Variants in ATP2B2 observed in about 807,000 individuals in gnomAD.
ATP2B2 encodes the protein ATPase plasma membrane Ca2+ transporting 2.
In ATP2B2, 15 loss-of-function variants were observed where a neutral mutation model predicts 120.0. The observed-to-expected ratio is 0.12, with a 90% CI of 0.08 to 0.19. The LOEUF is 0.19. ATP2B2 is among the 10% of genes least tolerant of loss of function. The pLI is 1.00. For missense variants in ATP2B2, 1,045 were observed against 1,719.8 expected (o/e 0.61, Z 6.94); for synonymous variants, 694 against 700.3 (o/e 0.99, Z 0.14).
In ATP2B2 at chr3:10,435,485, C is replaced by T. The variant is rs997487860; in HGVS notation, c.199+13860G>A. Among the ~76,000 whole-genome samples, 5 of 152,208 alleles carry T rather than the reference C, an allele frequency of 3.3e-5. No homozygotes were observed. The East Asian group carries it at 7.7e-4, about 23-fold the overall frequency. On this transcript the variant is annotated intron_variant, in intron 2 of 22. Coordinates refer to ENST00000360273, the MANE Select transcript of ATP2B2 (RefSeq NM_001001331.4). Reference sequence around the variant, plus strand: ...CATTTTGAGGTGAGGCCTAAGCCTTCAAGAGCACTTCTCCAGTATCTGGGC... The same window carrying T: ...CATTTTGAGGTGAGGCCTAAGCCTTTAAGAGCACTTCTCCAGTATCTGGGC...
intron 1 of ATP2B2, among the ~76,000 whole-genome samples, chr3:10,655,899 A>T (rs915290506): frequency 2.6e-5 from 4 of 152,210 alleles, no homozygotes; most frequent in Non-Finnish European, 2.9e-5. Context: ...TCGATGCTTT[A>T]TTTACCATTC....
At position 10,355,842 on chromosome 3, in the gene ATP2B2, G is replaced by T. The variant is rs1359866550; in HGVS notation, c.2136+2849C>A. Among the ~76,000 whole-genome samples, 11 of 40,634 alleles carry T rather than the reference G, an allele frequency of 2.7e-4. 3 individuals carry two copies. Among genetic ancestry groups the T allele is most frequent in the African/African-American group, 9.2e-4 (10 of 10,894 alleles). The allele number at this position is 40,634 out of a possible 152,430, so 26.7% of individuals were successfully genotyped here. A position where few individuals can be genotyped will look rare whatever the true frequency, so the allele number is the denominator to read the frequency against. On this transcript the variant is annotated intron_variant, in intron 14 of 22. Transcript: ENST00000360273. ...TAATCCCAGCACTTTGGGAGGCCGA[G>T]GCGGGCGGATCACGAGGTCAGGAGA...
chr3:10,498,964 T>C (rs940081523), intron 1 of ATP2B2, among the ~76,000 whole-genome samples: 3 of 152,176 alleles, frequency 2.0e-5, no homozygotes, highest in East Asian at 3.9e-4. Context: ...ATTTGAGACA[T>C]TACCTACCCA....
rs1358805301 is a variant in ATP2B2 at position 10,345,498 on chromosome 3, C to T, written c.2589G>A (p.Lys863=). The T allele has an allele frequency of 1.9e-6, 3 of 1,614,124 alleles. No individual in the cohort carries two copies. Among genetic ancestry groups the T allele is most frequent in the African/African-American group, 1.3e-5 (1 of 74,950 alleles). The change falls in exon 18 of 23, where the codon AAG becomes AAA. Residue 863 remains lysine (K), a synonymous_variant. Transcript: ENST00000360273. ...AGACGTTGCGGCCCCACATCACTGC[C>T]TTGACGATGCTGCTGAAATTGTCGT... ...LTDDNFSSIV[K]AVMWGRNVYD... is the part of the protein sequence containing the mutation.
intron 5 of ATP2B2, among the ~76,000 whole-genome samples, chr3:10,396,668 C>A (rs925121572): frequency 3.3e-5 from 5 of 152,196 alleles, no homozygotes; most frequent in Non-Finnish European, 7.3e-5. Context: ...AAGGAACACC[C>A]CCTGGGGGAG....
At chr3:10,515,876 A>G (rs1055547353) in intron 3 of ATP2B2, among the ~76,000 whole-genome samples, 5 of 152,128 alleles carry the variant, frequency 3.3e-5, no homozygotes, top group East Asian at 3.9e-4. Context: ...CTTAAAAACT[A>G]CCTGTAAGCC....
Position 10,557,922 on chromosome 3 carries a change from C to T in ATP2B2, c.-414-23789G>A, listed in dbSNP as rs75790253. Among the ~76,000 whole-genome samples, 38 of 151,912 alleles carry T rather than the reference C, an allele frequency of 2.5e-4. 1 individual carries two copies. In the East Asian group the frequency reaches 7.4e-3, roughly 30 times the overall value. Reference sequence around the variant, plus strand: ...AGATCAAGTGGTGTGGCCAGGCATGCCTCCAGTGTGGGGATGCATCTTGGT... The same window carrying T: ...AGATCAAGTGGTGTGGCCAGGCATGTCTCCAGTGTGGGGATGCATCTTGGT... On this transcript the variant is annotated intron_variant, in intron 2 of 21. Coordinates refer to the ATP2B2 transcript ENST00000646379.
chr3:10,611,924 A>G (rs2069249892), intron 2 of ATP2B2, among the ~76,000 whole-genome samples: 1 of 152,212 alleles, frequency 6.6e-6, no homozygotes, highest in African/African-American at 2.4e-5. Context: ...GATGCTCAAC[A>G]GAAATAGCTA....
chr3:10,397,474 A>G (rs1010067536), intron 5 of ATP2B2, among the ~76,000 whole-genome samples: 21 of 152,344 alleles, frequency 1.4e-4, no homozygotes, highest in Admixed American at 9.8e-4. Context: ...GGTCAAGCAC[A>G]AAGTGGAGTG....
At chr3:10,605,633 A>T (rs774470016) in intron 2 of ATP2B2, among the ~76,000 whole-genome samples, 2 of 142,564 alleles carry the variant, frequency 1.4e-5, no homozygotes, top group African/African-American at 2.6e-5. Context: ...TGGCCAACAC[A>T]CTGGGACCCT....
chr3:10,575,392 T>C (rs1469472949), intron 2 of ATP2B2, among the ~76,000 whole-genome samples: 1 of 152,112 alleles, frequency 6.6e-6, no homozygotes, highest in Non-Finnish European at 1.5e-5. Flanking sequence ...GAAGAGGTCA[T>C]TGGGAAAATG....
intron 5 of ATP2B2, among the ~76,000 whole-genome samples, chr3:10,395,941 C>T (rs770984063): frequency 4.6e-5 from 7 of 152,196 alleles, no homozygotes; most frequent in Non-Finnish European, 8.8e-5. Flanking sequence ...TACTCTGTCC[C>T]GTTTGAAGAT....
intron 2 of ATP2B2, among the ~76,000 whole-genome samples, chr3:10,552,710 G>A (rs1214864544): frequency 6.6e-6 from 1 of 152,212 alleles, no homozygotes; most frequent in Non-Finnish European, 1.5e-5. Context: ...AGGCAGAGCT[G>A]GGGTTCCAAC....
At chr3:10,382,849 A>T (rs995823923) in intron 8 of ATP2B2, among the ~76,000 whole-genome samples, 1 of 149,368 alleles carries the variant, frequency 6.7e-6, no homozygotes, top group African/African-American at 2.5e-5. Flanking sequence ...TATCACCCTA[A>T]TTTTTTTTTT....
intron 1 of ATP2B2, among the ~76,000 whole-genome samples, chr3:10,472,890 T>G (rs2065068594): frequency 6.6e-6 from 1 of 152,238 alleles, no homozygotes. Context: ...CTGCCTCATT[T>G]ATCATCTCAG....
chr3:10,504,728 C>T (rs1447731297), intron 1 of ATP2B2, among the ~76,000 whole-genome samples: 4 of 152,150 alleles, frequency 2.6e-5, no homozygotes, highest in Non-Finnish European at 4.4e-5. Context: ...CAGGGAGGAG[C>T]CTCAGGTGCC....
At position 10,342,928 on chromosome 3, in the gene ATP2B2, T is replaced by A; in HGVS notation, c.2741A>T (p.Asn914Ile). Residue 914 changes from asparagine (N) to isoleucine (I), a missense_variant, in exon 19 of 23, where the codon AAC (asparagine) becomes ATC (isoleucine). Asn to Ile is a moderately radical substitution (Grantham distance 149, BLOSUM62 -3). Coordinates refer to ENST00000360273, the MANE Select transcript of ATP2B2 (RefSeq NM_001001331.4). The surrounding 1 kb of genome is among the most constrained non-coding windows in gnomAD (Gnocchi z 4.4). ...PLKAVQMLWV[N>I]LIMDTFASLA... is the part of the protein sequence containing the mutation. ...CGAGGCAAACGTGTCCATGATGAGG[T>A]TCACCCAGAGCATCTGCACGGCCTT... 1 of 1,613,826 alleles carries A rather than the reference T, an allele frequency of 6.2e-7. No homozygotes were observed. The highest frequency in any genetic ancestry group is 8.5e-7 in the Non-Finnish European group (1 of 1,179,906).
chr3:10,406,844 G>T (rs2062430708), intron 3 of ATP2B2, among the ~76,000 whole-genome samples: 1 of 152,262 alleles, frequency 6.6e-6, no homozygotes. Flanking sequence ...GGCCTGGGCA[G>T]GGGCAGTCAC....
intron 22 of ATP2B2, among the ~76,000 whole-genome samples, chr3:10,333,078 T>C (rs1296846719): frequency 6.6e-6 from 1 of 152,140 alleles, no homozygotes; most frequent in East Asian, 1.9e-4. Flanking sequence ...CTTGCGGTGG[T>C]GCCGTGGGGA....
Sources: allele counts gnomAD v4.1 joint callset (sites outside exome capture counted in the v4.1 genomes callset), GRCh38; gene constraint gnomAD v4.1.1; non-coding constraint Gnocchi (gnomAD v3.1); transcripts MANE v1.5; gene names NCBI Gene and HGNC (gene_info 2026-07-23, HGNC 2026-07-21).